The following ARMH3 variants were observed in gnomAD, a reference collection of about 807,000 sequenced individuals.
The protein encoded by ARMH3 is armadillo-like helical domain-containing protein 3.
Under a neutral mutation model 99.1 loss-of-function variants are expected in ARMH3, and 60 were observed. The observed-to-expected ratio is 0.61, with a 90% CI of 0.49 to 0.75. ARMH3 has a LOEUF of 0.75. Ranked by LOEUF, ARMH3 falls within the 30% of genes least tolerant of loss-of-function variation. The pLI is 0.00. For missense variants in ARMH3, 679 were observed against 843.1 expected (o/e 0.81, Z 2.41); for synonymous variants, 285 against 292.8 (o/e 0.97, Z 0.27).
chr10:102,002,423 G>A (rs2066382315), intron 14 of ARMH3, among the ~76,000 whole-genome samples: 1 of 151,984 alleles, frequency 6.6e-6, no homozygotes, highest in Non-Finnish European at 1.5e-5. Context: ...ATTTCTACCT[G>A]AAGGAAAGAT....
At position 101,895,575 on chromosome 10, in the gene ARMH3, G is replaced by A. The variant is rs184985830; in HGVS notation, c.1782-6085C>T. On this transcript the variant is annotated intron_variant, in intron 23 of 25. Transcript: ENST00000370033. ...ATTACAGGTGTGAGCCACTGCGCCC[G>A]GCCCTTAAAAACTGTAAAATTCTTA... 3.8e-3 allele frequency among the ~76,000 whole-genome samples: 583 copies of A among 152,130 alleles called. 1 individual carries two copies. Among genetic ancestry groups the A allele is most frequent in the Middle Eastern group, 0.02 (6 of 294 alleles).
intron 23 of ARMH3, among the ~76,000 whole-genome samples, chr10:101,909,174 A>G (rs1842766975): frequency 6.6e-6 from 1 of 151,718 alleles, no homozygotes; most frequent in African/African-American, 2.4e-5. Context: ...TGGGAGATCG[A>G]GGCGGGCAGA....
intron 23 of ARMH3, among the ~76,000 whole-genome samples, chr10:101,894,870 C>CAAAAAAAAAAA (rs140398612): frequency 1.2e-5 from 1 of 86,426 alleles, no homozygotes; most frequent in Non-Finnish European, 2.5e-5. Flanking sequence ...GAAACTCTGC[C>CAAAAAAAAAAA]AAAAAAAAAA....
chr10:101,929,152 A>G (rs1212621671), intron 23 of ARMH3, among the ~76,000 whole-genome samples: 1 of 152,248 alleles, frequency 6.6e-6, no homozygotes, highest in Non-Finnish European at 1.5e-5. Context: ...TCCTTCTTTG[A>G]CTACATTATC....
At chr10:101,893,262 T>C (rs925133178) in intron 23 of ARMH3, among the ~76,000 whole-genome samples, 1 of 152,224 alleles carries the variant, frequency 6.6e-6, no homozygotes, top group Non-Finnish European at 1.5e-5. Context: ...GTCAAATCAA[T>C]CTACCATTAG....
At chr10:101,937,896 T>C (rs1844061286) in intron 23 of ARMH3, among the ~76,000 whole-genome samples, 1 of 152,228 alleles carries the variant, frequency 6.6e-6, no homozygotes, top group Non-Finnish European at 1.5e-5. Flanking sequence ...GGTCTCACTG[T>C]TACCCAGGCT....
At chr10:101,879,908 G>GATA (rs773656408) in intron 24 of ARMH3, among the ~76,000 whole-genome samples, 9 of 152,138 alleles carry the variant, frequency 5.9e-5, no homozygotes, top group Non-Finnish European at 1.5e-5. Context: ...GATTACTGAG[G>GATA]ATAAGCAGCT....
intron 23 of ARMH3, among the ~76,000 whole-genome samples, chr10:101,896,523 T>TTATACCA (rs1564731077): frequency 6.6e-6 from 1 of 152,194 alleles, no homozygotes; most frequent in Non-Finnish European, 1.5e-5. Flanking sequence ...TACAACCCTA[T>TTATACCA]GATTATACCA....
chr10:101,940,482 A>T (rs1033488275), intron 22 of ARMH3, among the ~76,000 whole-genome samples: 10 of 151,962 alleles, frequency 6.6e-5, no homozygotes, highest in African/African-American at 1.9e-4. Flanking sequence ...TTTAAGTTCT[A>T]GGGTACATGT....
chr10:101,959,479 G>C (rs1031956805), intron 20 of ARMH3, among the ~76,000 whole-genome samples: 8 of 152,176 alleles, frequency 5.3e-5, no homozygotes, highest in Non-Finnish European at 1.0e-4. Context: ...AGCAGCTTTT[G>C]CACACATCCC....
intron 1 of ARMH3, among the ~76,000 whole-genome samples, chr10:102,046,500 A>C (rs1414664877): frequency 6.6e-6 from 1 of 152,026 alleles, no homozygotes; most frequent in Non-Finnish European, 1.5e-5. Flanking sequence ...TAAAAATACA[A>C]AATTAGCCGG....
rs2067075784 is a variant in ARMH3, at chr10:102,029,532, G to T, written c.414+106C>A. ...AATGCAAGGCCAAATTCAATCATCTGTATCTTTCTGAGTCCAAATCTTTGA... is the reference window on the plus strand; with the variant it reads ...AATGCAAGGCCAAATTCAATCATCTTTATCTTTCTGAGTCCAAATCTTTGA... On this transcript the variant is annotated intron_variant, in intron 5 of 25. Transcript: ENST00000370033. The T allele has an allele frequency of 2.5e-6, 4 of 1,607,114 alleles. No individual in the cohort carries two copies. In the South Asian group the frequency reaches 4.4e-5, roughly 18 times the overall value.
intron 23 of ARMH3, among the ~76,000 whole-genome samples, chr10:101,928,586 T>C (rs138723861): frequency 1.3e-5 from 2 of 152,308 alleles, no homozygotes; most frequent in African/African-American, 4.8e-5. Context: ...GGAGGATCAC[T>C]TGAGCCCCAG....
chr10:101,921,884 T>G (rs1289926232), intron 23 of ARMH3, among the ~76,000 whole-genome samples: 4 of 152,144 alleles, frequency 2.6e-5, no homozygotes, highest in Non-Finnish European at 5.9e-5. Context: ...ATATAACATA[T>G]AGTTAGATAG....
intron 20 of ARMH3, among the ~76,000 whole-genome samples, chr10:101,964,217 C>T (rs1012694150): frequency 3.9e-5 from 6 of 152,082 alleles, no homozygotes; most frequent in Non-Finnish European, 1.5e-5. Flanking sequence ...GCCACGTTGG[C>T]CAGGCTGGTC....
At chr10:101,850,726 G>A (rs1397339064) in intron 24 of ARMH3, among the ~76,000 whole-genome samples, 2 of 152,056 alleles carry the variant, frequency 1.3e-5, no homozygotes, top group African/African-American at 4.8e-5. Context: ...CACCCACCGC[G>A]ACTTTCTCAT....
chr10:101,875,553 C>A (rs1474344364), intron 24 of ARMH3, among the ~76,000 whole-genome samples: 2 of 152,116 alleles, frequency 1.3e-5, no homozygotes, highest in Admixed American at 6.5e-5. Context: ...TACTTCAGGA[C>A]CAAACCCAGT....
intron 14 of ARMH3, among the ~76,000 whole-genome samples, chr10:102,005,297 C>T (rs1055207816): frequency 2.0e-5 from 3 of 150,430 alleles, no homozygotes; most frequent in African/African-American, 4.9e-5. Context: ...GCATGAGAAT[C>T]GCCTGAATCT....
intron 6 of ARMH3, 23 bp downstream of exon 6, chr10:102,025,133 C>G (rs776574947): frequency 6.3e-7 from 1 of 1,582,788 alleles, no homozygotes; most frequent in Admixed American, 1.7e-5. Context: ...AATTAATACC[C>G]TTGACAAACA....
Sources: allele counts gnomAD v4.1 joint callset (sites outside exome capture counted in the v4.1 genomes callset), GRCh38; gene constraint gnomAD v4.1.1; transcripts MANE v1.5; gene names NCBI Gene and HGNC (gene_info 2026-07-23, HGNC 2026-07-21).